MIEF1: variants seen among roughly 807,000 people sequenced by gnomAD.
MIEF1 encodes the protein mitochondrial elongation factor 1.
A neutral mutation model predicts 35.1 loss-of-function variants in MIEF1; 14 were observed. The ratio of observed to expected loss-of-function variants is 0.40; its 90% confidence interval spans 0.26 to 0.62. The LOEUF is 0.62. Among genes scored for constraint, MIEF1 ranks in the 20% least tolerant of loss-of-function variants. The pLI is 0.43. For synonymous variants in MIEF1, 245 were observed against 254.3 expected (o/e 0.96, Z 0.35); for missense variants, 542 against 615.4 (o/e 0.88, Z 1.26).
In MIEF1 at chr22:39,513,800, C is replaced by T. The variant is rs1355118088; in HGVS notation, c.869C>T (p.Ala290Val). 4 of 1,613,992 alleles carry T rather than the reference C, an allele frequency of 2.5e-6. No individual in the cohort carries two copies. Among genetic ancestry groups the T allele is most frequent in the Middle Eastern group, 1.6e-4 (1 of 6,084 alleles). Residue 290 changes from alanine (A) to valine (V), a missense_variant, in exon 6 of 6, where the codon GCC becomes GTC. Transcript: ENST00000325301. Reference sequence around the variant, plus strand: ...CTCTTGGACTATGTGATCCGCCCGGCCCCACCCCCAGAAGCCCTCACACTG... The same window carrying T: ...CTCTTGGACTATGTGATCCGCCCGGTCCCACCCCCAGAAGCCCTCACACTG... ...GSLLDYVIRP[A>V]PPPEALTLEV...
chr22:39,503,431 T>C (rs1477564221), intron 1 of MIEF1: 1 of 152,232 alleles, frequency 6.6e-6, no homozygotes, highest in Non-Finnish European at 1.5e-5. Context: ...TTAATTTAAA[T>C]GTGGTCATGG....
At chr22:39,507,525 G>A (rs1359708516) in intron 2 of MIEF1, among the ~76,000 whole-genome samples, 5 of 151,452 alleles carry the variant, frequency 3.3e-5, no homozygotes, top group Admixed American at 6.6e-5. Context: ...GATTACAGGC[G>A]TGAGCCACCG....
chr22:39,510,087 A>G (rs937805662), intron 2 of MIEF1, among the ~76,000 whole-genome samples: 31 of 151,548 alleles, frequency 2.0e-4, no homozygotes, highest in African/African-American at 6.8e-4. Context: ...GCCTCCTGAG[A>G]AGCTGGGATT....
rs1477159815 is a variant in MIEF1 at position 39,511,418 on chromosome 22, G to A, written c.124G>A (p.Ala42Thr). The A allele has an allele frequency of 4.4e-6, 7 of 1,587,494 alleles. No individual in the cohort carries two copies. The highest frequency in any genetic ancestry group is 2.3e-5 in the East Asian group (1 of 44,052). The change falls in exon 3 of 6, where the codon GCC becomes ACC. Residue 42 changes from alanine (A) to threonine (T), a missense_variant. Transcript: ENST00000325301. Reference sequence around the variant, plus strand: ...GGGTGGAGCGGCCATGCTGGGCATCGCCACGCTGGCAGTTAAGCGGGTAAG... The same window carrying A: ...GGGTGGAGCGGCCATGCTGGGCATCACCACGCTGGCAGTTAAGCGGGTAAG... ...GVGGAAMLGIATLAVKRMYDR... is the reference protein window; with the variant it reads ...GVGGAAMLGITTLAVKRMYDR...
intron 2 of MIEF1, among the ~76,000 whole-genome samples, chr22:39,507,828 A>G (rs182561270): frequency 3.9e-5 from 6 of 151,936 alleles, no homozygotes; most frequent in Admixed American, 1.3e-4. Context: ...TTGCCCCACT[A>G]TACTCCAGCC....
At chr22:39,509,822 A>T (rs2075831422) in intron 2 of MIEF1, among the ~76,000 whole-genome samples, 1 of 152,160 alleles carries the variant, frequency 6.6e-6, no homozygotes, top group Non-Finnish European at 1.5e-5. Context: ...GATGTTTGGT[A>T]CATGTTGTTT....
chr22:39,514,462 AT>A lies in MIEF1; in HGVS notation c.*141del. ...TCATCACCCTGGTCACTTCATGCTG[AT>A]TAGAATGACATCTCTTTCGTCTCCT... is the stretch of plus-strand genomic sequence containing the variant. On this transcript the variant is annotated 3_prime_UTR_variant, in exon 6 of 6. Coordinates refer to ENST00000325301, the MANE Select transcript of MIEF1 (RefSeq NM_019008.6). 1 of 764,230 alleles carries A rather than the reference AT, an allele frequency of 1.3e-6. No homozygotes were observed. The highest frequency in any genetic ancestry group is 2.1e-6 in the Non-Finnish European group (1 of 476,300). The allele number at this position is 764,230 out of a possible 1,614,324, so 47.3% of individuals were successfully genotyped here. A position where few individuals can be genotyped will look rare whatever the true frequency, so the allele number is the denominator to read the frequency against.
Position 39,512,454 on chromosome 22 carries a change from G to A in MIEF1, c.545G>A (p.Arg182Gln), listed in dbSNP as rs1224246033. Residue 182 changes from arginine (R) to glutamine (Q), a missense_variant, in exon 5 of 6, where the codon CGG (arginine) becomes CAG (glutamine). Arg to Gln is a conservative substitution (Grantham distance 43, BLOSUM62 1). Transcript: ENST00000325301. ...LRAKLPDMPL[R>Q]DMYLSGSLYD... is the part of the protein sequence containing the mutation. ...GCCAAGTTGCCTGACATGCCGCTTC[G>A]GGACATGTACTTGAGTGGCAGCCTC... is the stretch of plus-strand genomic sequence containing the variant. 9.3e-6 allele frequency: 15 copies of A among 1,613,838 alleles called. No individual in the cohort carries two copies. The highest frequency in any genetic ancestry group is 4.5e-5 in the East Asian group (2 of 44,890).
chr22:39,514,086 A>G lies in MIEF1; in HGVS notation c.1155A>G (p.Leu385=), dbSNP rs1168067345. 6.2e-7 allele frequency: 1 copy of G among 1,614,136 alleles called. No individual in the cohort carries two copies. Among genetic ancestry groups the G allele is most frequent in the Non-Finnish European group, 8.5e-7 (1 of 1,180,028 alleles). Residue 385 remains leucine (L), a synonymous_variant, in exon 6 of 6, where the codon CTA becomes CTG. Transcript: ENST00000325301. ...TGGGCCACCTCACTGCCAGCCAGCT[A>G]ACCAATGTCATCCTCCACTTGGCCC... ...PALGHLTASQ[L]TNVILHLAQE... is the part of the protein sequence containing the mutation.
chr22:39,504,854 C>T (rs769155136), intron 2 of MIEF1: 30 of 154,524 alleles, frequency 1.9e-4, no homozygotes, highest in Non-Finnish European at 3.7e-4. Context: ...AGCAGCAGGG[C>T]AGGAATAAGC....
chr22:39,501,903 G>A (rs377659588), upstream of MIEF1: 19 of 152,564 alleles, frequency 1.2e-4, no homozygotes, highest in African/African-American at 4.3e-4. Flanking sequence ...GGGTTTTGAG[G>A]AGCTCTGAAT....
At chr22:39,501,179 T>A (rs1181096101), upstream of MIEF1, among the ~76,000 whole-genome samples, 2 of 152,226 alleles carry the variant, frequency 1.3e-5, no homozygotes, top group African/African-American at 4.8e-5. Context: ...CCCTCTGGCC[T>A]CTTTCCCAGC....
At chr22:39,502,252 G>A (rs1045840809), upstream of MIEF1, 1 of 152,522 alleles carries the variant, frequency 6.6e-6, no homozygotes, top group African/African-American at 2.4e-5. Context: ...CGGGGCCCGA[G>A]AGAGAGCTTG....
intron 2 of MIEF1, 56 bp from the exon 3 acceptor site, chr22:39,511,232 G>A (rs1217594144): frequency 1.9e-6 from 3 of 1,607,174 alleles, no homozygotes; most frequent in Non-Finnish European, 2.5e-6. Context: ...GCTTGTTAGG[G>A]GAGGGAGGTT....
rs1359438869 is a variant in MIEF1 at position 39,514,212 on chromosome 22, C to A, written c.1281C>A (p.Ala427=). ...TAGAGGCTGGAGTCCTGCCCAGTGC[C>A]CTAAACCCCAAGGTGAACTTATTTG... ...SYLEAGVLPS[A]LNPKVNLFAE... Residue 427 remains alanine (A), a synonymous_variant, in exon 6 of 6, where the codon GCC becomes GCA. Coordinates refer to ENST00000325301, the MANE Select transcript of MIEF1 (RefSeq NM_019008.6). 3 of 1,614,106 alleles carry A rather than the reference C, an allele frequency of 1.9e-6. No homozygotes were observed.
At chr22:39,501,356 C>A (rs940476298), upstream of MIEF1, among the ~76,000 whole-genome samples, 2 of 152,250 alleles carry the variant, frequency 1.3e-5, no homozygotes, top group African/African-American at 4.8e-5. Context: ...CAATTGCCCA[C>A]CCCTCTACTG....
At position 39,514,179 on chromosome 22, in the gene MIEF1, C is replaced by T. The variant is rs1386282092; in HGVS notation, c.1248C>T (p.Ile416=). The change falls in exon 6 of 6, where the codon ATC becomes ATT. Residue 416 remains isoleucine (I), a synonymous_variant. Transcript: ENST00000325301. ...TCCTGCAGGCCTTGAGGGGACTTATCAGCTACTTAGAGGCTGGAGTCCTGC... is the reference window on the plus strand; with the variant it reads ...TCCTGCAGGCCTTGAGGGGACTTATTAGCTACTTAGAGGCTGGAGTCCTGC... The part of the protein sequence containing the change: ...DRFLQALRGL[I]SYLEAGVLPS... The T allele has an allele frequency of 1.9e-6, 3 of 1,614,102 alleles. No homozygotes were observed. Among genetic ancestry groups the T allele is most frequent in the South Asian group, 2.2e-5 (2 of 91,088 alleles).
intron 2 of MIEF1, 80 bp downstream of exon 2, chr22:39,504,614 G>A (rs1929925502): frequency 7.8e-6 from 3 of 385,096 alleles, no homozygotes; most frequent in Non-Finnish European, 4.6e-6. Flanking sequence ...CATCCTTTTA[G>A]TCATTAGAAA....
At chr22:39,512,549 T>C (rs1278576963) in intron 5 of MIEF1, 55 bp downstream of exon 5, 1 of 1,556,202 alleles carries the variant, frequency 6.4e-7, no homozygotes, top group Non-Finnish European at 8.7e-7. Context: ...ACCATAGTGT[T>C]GTTGGCACAG....
Sources: gnomAD v4.1 joint callset for allele counts (sites outside exome capture counted in the v4.1 genomes callset) on GRCh38, gnomAD v4.1.1 for gene constraint, MANE v1.5 for transcripts, NCBI Gene and HGNC (gene_info 2026-07-23, HGNC 2026-07-21) for gene names.